The following BCAS1 variants were observed in gnomAD, a reference collection of about 807,000 sequenced individuals.
BCAS1 encodes brain enriched myelin associated protein 1.
In BCAS1, 46 loss-of-function variants were observed where a neutral mutation model predicts 65.4. That is an observed-to-expected ratio of 0.70 (90% CI 0.55 to 0.90). BCAS1 has a LOEUF of 0.90. BCAS1 is among the 40% of genes least tolerant of loss of function. The probability of loss-of-function intolerance (pLI) is 0.00; values close to 1 mark genes in which losing one functional copy is unlikely to be tolerated. For missense variants in BCAS1, 793 were observed against 771.2 expected, an observed-to-expected ratio of 1.03 and a Z score of -0.33; for synonymous variants, 298 against 293.5, an observed-to-expected ratio of 1.02 and a Z score of -0.16.
chr20:54,011,111 C>T (rs1333362509), intron 4 of BCAS1, among the ~76,000 whole-genome samples: 2 of 151,826 alleles, frequency 1.3e-5, no homozygotes, highest in Non-Finnish European at 2.9e-5. Flanking sequence ...AACATAAAAC[C>T]TCAAATATAA....
chr20:54,011,289 G>C (rs208372), intron 4 of BCAS1, among the ~76,000 whole-genome samples: 2,755 of 152,182 alleles, frequency 0.018, 56 homozygotes, highest in East Asian at 0.088. Context: ...AAGATGAAAA[G>C]AGAAACTAGA....
chr20:53,983,382 G>C (rs1022983220), intron 8 of BCAS1, among the ~76,000 whole-genome samples: 4 of 152,112 alleles, frequency 2.6e-5, no homozygotes, highest in Non-Finnish European at 5.9e-5. Flanking sequence ...GTATTCATTT[G>C]TATGACATAG....
intron 11 of BCAS1, among the ~76,000 whole-genome samples, chr20:53,956,138 C>A (rs1008717703): frequency 6.6e-6 from 1 of 152,158 alleles, no homozygotes; most frequent in Admixed American, 6.5e-5. Context: ...TGTGCCCCCA[C>A]CCCAACGCAT....
At chr20:53,973,696 G>A (rs2090245348) in intron 9 of BCAS1, among the ~76,000 whole-genome samples, 2 of 152,160 alleles carry the variant, frequency 1.3e-5, no homozygotes, top group South Asian at 2.1e-4. Context: ...TGTAGGTTGC[G>A]GGAATAGAAA....
intron 4 of BCAS1, among the ~76,000 whole-genome samples, chr20:54,007,268 A>C (rs2091219099): frequency 6.6e-6 from 1 of 152,158 alleles, no homozygotes; most frequent in African/African-American, 2.4e-5. Context: ...CATACAGGGG[A>C]TATCTATTGA....
At position 53,975,431 on chromosome 20, in the gene BCAS1, C is replaced by T. The variant is rs755397006; in HGVS notation, c.1276-1G>A. ...TGGGGACTGAGTCCTCTTTAACTGA[C>T]TAAAGGAAGATAAAAACAAAAGTGA... On this transcript the variant is annotated splice_acceptor_variant, in intron 8 of 12. Transcript: ENST00000688948. LOFTEE classifies it high-confidence loss of function. The T allele has an allele frequency of 6.2e-7, 1 of 1,611,362 alleles. No homozygotes were observed. Among genetic ancestry groups the T allele is most frequent in the Non-Finnish European group, 8.5e-7 (1 of 1,178,330 alleles).
chr20:54,006,447 C>T (rs1392822063), intron 4 of BCAS1, among the ~76,000 whole-genome samples: 1 of 152,134 alleles, frequency 6.6e-6, no homozygotes, highest in Non-Finnish European at 1.5e-5. Flanking sequence ...TGGTGGCTCA[C>T]GCCTGTAATC....
chr20:53,985,165 T>C, intron 8 of BCAS1, 122 bp downstream of exon 8: 1 of 943,254 alleles, frequency 1.1e-6, no homozygotes, highest in Non-Finnish European at 1.6e-6. Flanking sequence ...GGAAGCCGAG[T>C]CATTTTGAAG....
At chr20:54,035,151 G>A (rs572668045) in intron 3 of BCAS1, among the ~76,000 whole-genome samples, 2 of 151,086 alleles carry the variant, frequency 1.3e-5, no homozygotes, top group South Asian at 2.1e-4. Context: ...GGTGGCTCAC[G>A]CTTGTAATCC....
chr20:53,988,701 A>G (rs1474211692), intron 7 of BCAS1, among the ~76,000 whole-genome samples: 1 of 152,170 alleles, frequency 6.6e-6, no homozygotes, highest in East Asian at 1.9e-4. Context: ...CCAATAAATT[A>G]CTGTTAGCTG....
intron 4 of BCAS1, among the ~76,000 whole-genome samples, chr20:54,001,810 T>C (rs373105597): frequency 5.3e-5 from 8 of 152,216 alleles, no homozygotes; most frequent in Non-Finnish European, 1.0e-4. Context: ...GCCATTCCCC[T>C]GTCTTGATAA....
At chr20:53,958,358 T>C (rs1352119585) in intron 10 of BCAS1, among the ~76,000 whole-genome samples, 4 of 152,224 alleles carry the variant, frequency 2.6e-5, no homozygotes, top group Admixed American at 6.5e-5. Flanking sequence ...ATCAACAACA[T>C]TGACTCAGGT....
chr20:53,998,001 G>A (rs1324844643), intron 4 of BCAS1, among the ~76,000 whole-genome samples: 1 of 152,142 alleles, frequency 6.6e-6, no homozygotes, highest in Non-Finnish European at 1.5e-5. Context: ...TTACTTAGAG[G>A]AGAATGAAAG....
At chr20:53,968,053 C>T (rs1255041954) in intron 9 of BCAS1, among the ~76,000 whole-genome samples, 2 of 152,184 alleles carry the variant, frequency 1.3e-5, no homozygotes, top group African/African-American at 2.4e-5. Flanking sequence ...GAAATGAGGT[C>T]GTGCTACGTT....
intron 4 of BCAS1, among the ~76,000 whole-genome samples, chr20:53,996,276 C>A (rs1208829603): frequency 6.6e-6 from 1 of 152,006 alleles, no homozygotes; most frequent in Non-Finnish European, 1.5e-5. Flanking sequence ...TTGTTTGGAG[C>A]CAAAGGGTAA....
rs557363923 is a variant in BCAS1 at position 53,959,900 on chromosome 20, AG to A, written c.1486-2404del. Among the ~76,000 whole-genome samples, 6 of 152,318 alleles carry A rather than the reference AG, an allele frequency of 3.9e-5. No individual in the cohort carries two copies. In the South Asian group the frequency reaches 1.2e-3, roughly 32 times the overall value. On this transcript the variant is annotated intron_variant, in intron 10 of 12. Transcript: ENST00000688948. ...AGGCCAGTCTTGCTTGAGAAGGTTT[AG>A]AAAAAGAAATGAACTGTTGGCTATT...
intron 8 of BCAS1, among the ~76,000 whole-genome samples, chr20:53,982,918 GA>G (rs1568841502): frequency 5.9e-5 from 9 of 152,116 alleles, no homozygotes; most frequent in Non-Finnish European, 1.5e-5. Context: ...AAACTTTGAC[GA>G]AGAGCCTTTT....
In BCAS1 at chr20:53,957,445, T is replaced by TTA; in HGVS notation, c.1537_1538insTA (p.Asp513ValfsTer43). 2 of 1,613,886 alleles carry TTA rather than the reference T, an allele frequency of 1.2e-6. No individual in the cohort carries two copies. Among genetic ancestry groups the TTA allele is most frequent in the Non-Finnish European group, 1.7e-6 (2 of 1,179,876 alleles). ...GAGGTCACTTACTTGGCAGCTGGAG[T>TTA]CTTTCCCATTTATTTCTTCTGAGTG... On this transcript the variant is annotated frameshift_variant, in exon 11 of 13. Coordinates refer to ENST00000688948, the MANE Select transcript of BCAS1 (RefSeq NM_001366298.2). LOFTEE classifies it high-confidence loss of function.
rs1020616054 is a variant in BCAS1 at position 53,950,472 on chromosome 20, AC to A, written c.1815+2959del. Among the ~76,000 whole-genome samples, 6 of 147,368 alleles carry A rather than the reference AC, an allele frequency of 4.1e-5. No homozygotes were observed. The South Asian group carries it at 1.1e-3, about 27-fold the overall frequency. On this transcript the variant is annotated intron_variant, in intron 12 of 12. Transcript: ENST00000688948. ...ACACACTCAGGCAAAAGTAGCACAC[AC>A]CCCCCCATCCATACTCAGGCAAACT...
Sources: gnomAD v4.1 joint callset for allele counts (sites outside exome capture counted in the v4.1 genomes callset) on GRCh38, gnomAD v4.1.1 for gene constraint, MANE v1.5 for transcripts, NCBI Gene and HGNC (gene_info 2026-07-23, HGNC 2026-07-21) for gene names.